The following STT3B variants were observed in gnomAD, a reference collection of about 807,000 sequenced individuals.
The protein encoded by STT3B is dolichyl-diphosphooligosaccharide--protein glycosyltransferase subunit STT3B.
STT3B carries 29 observed loss-of-function variants against 96.8 expected under a neutral mutation model. That is an observed-to-expected ratio of 0.30 (90% CI 0.22 to 0.41). The LOEUF (loss-of-function observed/expected upper bound fraction) is 0.41, where lower values mean the gene tolerates loss of function less well. Among genes scored for constraint, STT3B ranks in the 10% least tolerant of loss-of-function variants. The pLI is 1.00. For synonymous variants in STT3B, 367 were observed against 360.0 expected (o/e 1.02, Z -0.22); for missense variants, 640 against 1,022.3 (o/e 0.63, Z 5.10).
chr3:31,579,642 A>G (rs1057078348), intron 2 of STT3B, among the ~76,000 whole-genome samples, 167 bp from the exon 3 acceptor site: 4 of 151,954 alleles, frequency 2.6e-5, no homozygotes, highest in African/African-American at 9.7e-5. Flanking sequence ...ATGCAACACA[A>G]AAAGGTGTGG....
In STT3B at chr3:31,626,160, G is replaced by T. The variant is rs759215377; in HGVS notation, c.2073+33G>T. ...ACTAGATAATTCCAGGTATGTGAAA[G>T]ATAGCTCACTGTGTCCTCGTAATTC... On this transcript the variant is annotated intron_variant, in intron 13 of 15. Coordinates refer to ENST00000295770, the MANE Select transcript of STT3B (RefSeq NM_178862.3). 2.5e-6 allele frequency: 4 copies of T among 1,572,312 alleles called. No individual in the cohort carries two copies. In the Admixed American group the frequency reaches 6.9e-5, roughly 27 times the overall value.
At chr3:31,585,215 T>G (rs1418197399) in intron 3 of STT3B, among the ~76,000 whole-genome samples, 1 of 152,096 alleles carries the variant, frequency 6.6e-6, no homozygotes, top group Non-Finnish European at 1.5e-5. Context: ...CTACAGAGAT[T>G]AAAACATTTT....
chr3:31,628,462 T>A (rs1699582773), intron 13 of STT3B, among the ~76,000 whole-genome samples: 1 of 152,200 alleles, frequency 6.6e-6, no homozygotes. Flanking sequence ...TTCCAGTATT[T>A]TAGTTTTATA....
intron 1 of STT3B, among the ~76,000 whole-genome samples, chr3:31,553,847 G>GTC (rs1167127743): frequency 6.6e-6 from 1 of 152,164 alleles, no homozygotes; most frequent in Non-Finnish European, 1.5e-5. Context: ...TGAGGTCAGG[G>GTC]ACCAAGTTTG....
At chr3:31,606,397 G>A (rs1321317257) in intron 5 of STT3B, among the ~76,000 whole-genome samples, 2 of 152,176 alleles carry the variant, frequency 1.3e-5, no homozygotes, top group African/African-American at 4.8e-5. Context: ...ATGGTTTCAT[G>A]GGCCAGGCCC....
At chr3:31,538,857 G>C (rs973895975) in intron 1 of STT3B, among the ~76,000 whole-genome samples, 1 of 152,078 alleles carries the variant, frequency 6.6e-6, no homozygotes, top group African/African-American at 2.4e-5. Flanking sequence ...GAAGGCTTCT[G>C]TTGTCCTCTT....
chr3:31,616,859 T>G (rs2125472817), intron 6 of STT3B, 70 bp from the exon 7 acceptor site: 2 of 1,404,200 alleles, frequency 1.4e-6, no homozygotes, highest in East Asian at 2.3e-5. Context: ...AAGAAGCTCT[T>G]TCAAATGAAA....
chr3:31,572,044 T>C (rs1698163469), intron 1 of STT3B, among the ~76,000 whole-genome samples: 1 of 113,114 alleles, frequency 8.8e-6, no homozygotes, highest in African/African-American at 2.8e-5. Flanking sequence ...ATATGATATA[T>C]TAATATATCA....
intron 8 of STT3B, 81 bp from the exon 9 acceptor site, chr3:31,619,592 TACA>T: frequency 8.3e-7 from 1 of 1,211,390 alleles, no homozygotes; most frequent in Non-Finnish European, 1.2e-6. Context: ...GTACCATTTC[TACA>T]ACCAAACAAG....
chr3:31,539,948 G>C (rs867998899), intron 1 of STT3B, among the ~76,000 whole-genome samples: 2 of 152,142 alleles, frequency 1.3e-5, no homozygotes, highest in African/African-American at 2.4e-5. Context: ...AGGATTTTTA[G>C]TGTATGTGTT....
chr3:31,567,327 G>C (rs770632560), intron 1 of STT3B, among the ~76,000 whole-genome samples: 1 of 152,096 alleles, frequency 6.6e-6, no homozygotes, highest in Non-Finnish European at 1.5e-5. Context: ...ATTGATCAAA[G>C]CTTCTTTCCT....
chr3:31,576,290 A>T, intron 1 of STT3B, 106 bp from the exon 2 acceptor site: 1 of 564,334 alleles, frequency 1.8e-6, no homozygotes, highest in Non-Finnish European at 3.0e-6. Context: ...AAGTTTGATG[A>T]AAACGCTCTG....
chr3:31,617,183 T>TTTA, intron 7 of STT3B, 108 bp downstream of exon 7: 33 of 787,150 alleles, frequency 4.2e-5, no homozygotes, highest in Non-Finnish European at 5.2e-5. Context: ...AAGTGATTTT[T>TTTA]TTCTTTTTTT....
chr3:31,606,618 C>G (rs1389759497), intron 5 of STT3B, among the ~76,000 whole-genome samples: 1 of 152,158 alleles, frequency 6.6e-6, no homozygotes, highest in Non-Finnish European at 1.5e-5. Context: ...TTTCAAAGAA[C>G]GTATGGAAAT....
At chr3:31,605,999 G>C (rs1245556176) in intron 5 of STT3B, among the ~76,000 whole-genome samples, 1 of 152,126 alleles carries the variant, frequency 6.6e-6, no homozygotes, top group African/African-American at 2.4e-5. Flanking sequence ...GGTGACTCTT[G>C]GTATGTTTTA....
intron 5 of STT3B, among the ~76,000 whole-genome samples, chr3:31,611,322 C>T (rs1017676682): frequency 6.6e-6 from 1 of 152,144 alleles, no homozygotes; most frequent in African/African-American, 2.4e-5. Flanking sequence ...AGCAATTTAT[C>T]TGACTCTTAG....
At chr3:31,574,283 C>G (rs1698219142) in intron 1 of STT3B, among the ~76,000 whole-genome samples, 1 of 152,080 alleles carries the variant, frequency 6.6e-6, no homozygotes, top group South Asian at 2.1e-4. Context: ...CTGGGTAGAG[C>G]TATTTTTAGT....
chr3:31,627,375 C>CCAG (rs1224208221), intron 13 of STT3B, among the ~76,000 whole-genome samples: 2 of 152,182 alleles, frequency 1.3e-5, no homozygotes, highest in Non-Finnish European at 2.9e-5. Flanking sequence ...CATCTAGAAA[C>CCAG]CAGCAGCCCT....
At chr3:31,556,702 G>T (rs1697720330) in intron 1 of STT3B, among the ~76,000 whole-genome samples, 1 of 152,140 alleles carries the variant, frequency 6.6e-6, no homozygotes, top group Non-Finnish European at 1.5e-5. Flanking sequence ...CTTCTTTTGA[G>T]AAATATCTGT....
Sources: allele counts gnomAD v4.1 joint callset (sites outside exome capture counted in the v4.1 genomes callset), GRCh38; gene constraint gnomAD v4.1.1; transcripts MANE v1.5; gene names NCBI Gene and HGNC (gene_info 2026-07-23, HGNC 2026-07-21).